CREBRF: variants seen among roughly 807,000 people sequenced by gnomAD.
CREBRF encodes the protein CREB3 regulatory factor, also known as UPF0474 protein C5orf41.
Under a neutral mutation model 66.1 loss-of-function variants are expected in CREBRF, and 5 were observed. The observed-to-expected ratio is 0.08, with a 90% CI of 0.04 to 0.16. CREBRF has a LOEUF of 0.16. Ranked by LOEUF, CREBRF falls within the 10% of genes least tolerant of loss-of-function variation. The probability of loss-of-function intolerance (pLI) is 1.00; values close to 1 mark genes in which losing one functional copy is unlikely to be tolerated. For missense variants in CREBRF, 531 were observed against 744.9 expected, an observed-to-expected ratio of 0.71 and a Z score of 3.34; for synonymous variants, 229 against 264.4, an observed-to-expected ratio of 0.87 and a Z score of 1.30.
chr5:173,102,319 T>C (rs1316483208), intron 4 of CREBRF, among the ~76,000 whole-genome samples: 1 of 152,180 alleles, frequency 6.6e-6, no homozygotes, highest in Non-Finnish European at 1.5e-5. Context: ...TGTCTATACA[T>C]TTAAACATGT....
At chr5:173,064,284 A>T (rs1051637188) in intron 1 of CREBRF, among the ~76,000 whole-genome samples, 2 of 152,300 alleles carry the variant, frequency 1.3e-5, no homozygotes, top group African/African-American at 2.4e-5. Flanking sequence ...AATTAGGGGT[A>T]GGGTGGGTGT....
At chr5:173,129,665 CA>C (rs1465621672) in intron 8 of CREBRF, among the ~76,000 whole-genome samples, 1 of 144,424 alleles carries the variant, frequency 6.9e-6, no homozygotes, top group Non-Finnish European at 1.5e-5. Flanking sequence ...ATGGAGGCTG[CA>C]GTGAGCCAAG....
At chr5:173,093,875 T>C (rs1758410659) in intron 4 of CREBRF, among the ~76,000 whole-genome samples, 1 of 152,238 alleles carries the variant, frequency 6.6e-6, no homozygotes, top group Non-Finnish European at 1.5e-5. Flanking sequence ...TTATTCATCC[T>C]GCATAACTGA....
At chr5:173,065,809 A>AT (rs1446639861) in intron 1 of CREBRF, among the ~76,000 whole-genome samples, 1 of 149,752 alleles carries the variant, frequency 6.7e-6, no homozygotes, top group African/African-American at 2.5e-5. Flanking sequence ...TGCCCAGCTA[A>AT]TTTTTTTTGT....
chr5:173,066,187 G>A (rs1282806544), intron 1 of CREBRF, among the ~76,000 whole-genome samples: 1 of 152,106 alleles, frequency 6.6e-6, no homozygotes, highest in African/African-American at 2.4e-5. Context: ...AGCAAAATAA[G>A]CTGATTCCCT....
intron 8 of CREBRF, among the ~76,000 whole-genome samples, chr5:173,125,739 C>T (rs1156841673): frequency 5.3e-5 from 8 of 152,292 alleles, no homozygotes; most frequent in East Asian, 1.9e-4. Flanking sequence ...TGGCACGCGC[C>T]GGTAGTCCCA....
In CREBRF at chr5:173,082,504, C is replaced by T. The variant is rs571012691; in HGVS notation, c.9+1720C>T. On this transcript the variant is annotated intron_variant, in intron 2 of 8. Transcript: ENST00000296953. ...TACGATGAGAGGGTCTATGAAAAGT[C>T]CGGTTTGTGAAAGATAGAAAGTATA... 3.3e-5 allele frequency among the ~76,000 whole-genome samples: 5 copies of T among 151,402 alleles called. No individual in the cohort carries two copies. The South Asian group carries it at 1.0e-3, about 32-fold the overall frequency.
intron 4 of CREBRF, among the ~76,000 whole-genome samples, chr5:173,104,704 A>G (rs1758707832): frequency 6.6e-6 from 1 of 151,340 alleles, no homozygotes; most frequent in East Asian, 1.9e-4. Context: ...GCTTTAGGCA[A>G]CAAATTCAGA....
Position 173,086,564 on chromosome 5 carries a change from C to G in CREBRF, c.73C>G (p.Gln25Glu). 1 of 1,613,980 alleles carries G rather than the reference C, an allele frequency of 6.2e-7. No individual in the cohort carries two copies. The change falls in exon 3 of 9, where the codon CAA becomes GAA. Residue 25 changes from glutamine (Q) to glutamate (E), a missense_variant. Gln to Glu is a conservative substitution (Grantham distance 29). Coordinates refer to ENST00000296953, the MANE Select transcript of CREBRF (RefSeq NM_153607.3). ...DAFRSHTFSEQTLMSTDLLAN... is the reference protein window; with the variant it reads ...DAFRSHTFSEETLMSTDLLAN... ...CTTTCGAAGCCACACCTTTTCGGAA[C>G]AAACTCTGATGAGCACAGATCTCTT...
At chr5:173,059,554 G>A (rs1561787420) in intron 1 of CREBRF, among the ~76,000 whole-genome samples, 1 of 152,230 alleles carries the variant, frequency 6.6e-6, no homozygotes, top group Non-Finnish European at 1.5e-5. Flanking sequence ...GTGAGCCACC[G>A]CGCCTGGCCT....
intron 1 of CREBRF, among the ~76,000 whole-genome samples, chr5:173,059,164 A>T (rs1168472723): frequency 6.6e-6 from 1 of 151,970 alleles, no homozygotes. Context: ...ATACATAAAA[A>T]CGTAATCCCT....
intron 2 of CREBRF, among the ~76,000 whole-genome samples, chr5:173,083,012 A>G (rs1758013405): frequency 6.9e-6 from 1 of 145,142 alleles, no homozygotes. Context: ...TGATCACTTG[A>G]GGTCAGGAGT....
At chr5:173,130,773 G>C (rs1379761202) in intron 8 of CREBRF, among the ~76,000 whole-genome samples, 1 of 152,058 alleles carries the variant, frequency 6.6e-6, no homozygotes, top group Non-Finnish European at 1.5e-5. Context: ...GCAGTGGCGT[G>C]ATCTTGGCTC....
chr5:173,100,665 C>G (rs1473812135), intron 4 of CREBRF, among the ~76,000 whole-genome samples: 2 of 152,212 alleles, frequency 1.3e-5, no homozygotes, highest in Non-Finnish European at 2.9e-5. Flanking sequence ...CTCAGGTGAT[C>G]CACCTACCTC....
chr5:173,130,259 T>G (rs994738924), intron 8 of CREBRF, among the ~76,000 whole-genome samples: 6 of 152,230 alleles, frequency 3.9e-5, no homozygotes, highest in African/African-American at 1.4e-4. Context: ...AAAGATCTGC[T>G]AGAGTTTGTT....
intron 4 of CREBRF, among the ~76,000 whole-genome samples, chr5:173,107,324 C>T (rs1758771740): frequency 6.6e-6 from 1 of 152,226 alleles, no homozygotes; most frequent in South Asian, 2.1e-4. Context: ...CAGCCCATTC[C>T]GTCTTGTTCA....
chr5:173,079,754 T>G (rs1394325295), intron 1 of CREBRF, among the ~76,000 whole-genome samples: 4 of 152,180 alleles, frequency 2.6e-5, no homozygotes, highest in African/African-American at 9.7e-5. Context: ...GTTGCTGATG[T>G]AGTACTGCTG....
At chr5:173,088,307 G>T (rs1376066922) in intron 3 of CREBRF, among the ~76,000 whole-genome samples, 2 of 107,924 alleles carry the variant, frequency 1.9e-5, no homozygotes, top group African/African-American at 7.6e-5. Flanking sequence ...CGCTCCTGTT[G>T]CCCAGGCTGG....
Position 173,090,537 on chromosome 5 carries a change from C to A in CREBRF, c.358C>A (p.Leu120Ile). ...WGTKEVDYLGLDDFSSPYQDE... is the reference protein window; with the variant it reads ...WGTKEVDYLGIDDFSSPYQDE... Reference sequence around the variant, plus strand: ...AACAAAAGAAGTGGATTACTTGGGTCTTGATGACTTTTCTAGTCCTTACCA... The same window carrying A: ...AACAAAAGAAGTGGATTACTTGGGTATTGATGACTTTTCTAGTCCTTACCA... Residue 120 changes from leucine (L) to isoleucine (I), a missense_variant, in exon 4 of 9, where the codon CTT becomes ATT. By Grantham distance (5) the Leu-to-Ile change is conservative (BLOSUM62 2). Coordinates refer to ENST00000296953, the MANE Select transcript of CREBRF (RefSeq NM_153607.3). The surrounding 1 kb of genome is among the most constrained non-coding windows in gnomAD (Gnocchi z 4.5). The A allele has an allele frequency of 6.2e-7, 1 of 1,613,914 alleles. No individual in the cohort carries two copies. Among genetic ancestry groups the A allele is most frequent in the Non-Finnish European group, 8.5e-7 (1 of 1,179,830 alleles).
Sources: allele counts gnomAD v4.1 joint callset (sites outside exome capture counted in the v4.1 genomes callset), GRCh38; gene constraint gnomAD v4.1.1; non-coding constraint Gnocchi (gnomAD v3.1); transcripts MANE v1.5; gene names NCBI Gene and HGNC (gene_info 2026-07-23, HGNC 2026-07-21).